CROCC: variants seen among roughly 807,000 people sequenced by gnomAD.
CROCC encodes ciliary rootlet coiled-coil, rootletin.
Under a neutral mutation model 245.2 loss-of-function variants are expected in CROCC, and 180 were observed. That is an observed-to-expected ratio of 0.73 (90% CI 0.65 to 0.83). The LOEUF (loss-of-function observed/expected upper bound fraction) is 0.83. CROCC is among the 40% of genes least tolerant of loss of function. The pLI, the probability that CROCC is intolerant of heterozygous loss-of-function variation, is 0.00. For missense variants in CROCC, 2,688 were observed against 2,779.4 expected (o/e 0.97, Z 0.74); for synonymous variants, 1,205 against 1,241.6 (o/e 0.97, Z 0.62).
intron 34 of CROCC, 74 bp downstream of exon 34, chr1:16,970,527 G>C (rs2076499320): frequency 4.0e-6 from 6 of 1,483,776 alleles, no homozygotes; most frequent in Non-Finnish European, 5.4e-6. Context: ...CACATCCCCA[G>C]GGTCTGCTAC....
chr1:16,923,674 CTTTTT>C (rs61063425), intron 2 of CROCC, among the ~76,000 whole-genome samples: 5 of 103,498 alleles, frequency 4.8e-5, no homozygotes, highest in African/African-American at 1.1e-4. Flanking sequence ...ACTATTCTAC[CTTTTT>C]TTTTTTTTTT....
At chr1:16,914,606 G>A (rs1488497567) in intron 1 of CROCC, among the ~76,000 whole-genome samples, 1 of 152,290 alleles carries the variant, frequency 6.6e-6, no homozygotes, top group Non-Finnish European at 1.5e-5. Flanking sequence ...GGAAACTGAG[G>A]CCCAGAGCGC....
intron 27 of CROCC, among the ~76,000 whole-genome samples, chr1:16,963,409 T>G (rs575927299): frequency 6.6e-6 from 1 of 151,704 alleles, no homozygotes; most frequent in African/African-American, 2.4e-5. Context: ...GGGGTGAGAT[T>G]TGGGGACGAA....
intron 8 of CROCC, 113 bp from the exon 9 acceptor site, chr1:16,936,524 C>CAGA (rs1301853098): frequency 1.8e-6 from 2 of 1,136,800 alleles, no homozygotes; most frequent in African/African-American, 3.1e-5. Flanking sequence ...CCGCCTTGGC[C>CAGA]TCCTGAAGTG....
In CROCC at chr1:16,935,920, A is replaced by C. The variant is rs1570619396; in HGVS notation, c.957-717A>C. 2.0e-5 allele frequency among the ~76,000 whole-genome samples: 3 copies of C among 152,366 alleles called. No individual in the cohort carries two copies. In the South Asian group the frequency reaches 6.2e-4, roughly 32 times the overall value. ...TCGTTGGATACGTTCTTAGAGGAGG[A>C]GCCGGTGGGGAAGGTCCTATGCATG... On this transcript the variant is annotated intron_variant, in intron 8 of 36. Transcript: ENST00000375541.
intron 12 of CROCC, 32 bp downstream of exon 12, chr1:16,939,174 C>G: frequency 7.4e-7 from 1 of 1,344,052 alleles, no homozygotes; most frequent in South Asian, 1.6e-5. Flanking sequence ...CTGGGCGCAG[C>G]CAGAGGCCTG....
In CROCC at chr1:16,944,131, G is replaced by C. The variant is rs567722102; in HGVS notation, c.1840G>C (p.Val614Leu). 6.4e-7 allele frequency: 1 copy of C among 1,559,840 alleles called. No homozygotes were observed. Among genetic ancestry groups the C allele is most frequent in the Admixed American group, 1.9e-5 (1 of 51,748 alleles). ...GAGCAACCTGGCCCACAGCCTGCAG[G>C]TGGCCCAGCAGCAGGCCGAGGAGCT... is the stretch of plus-strand genomic sequence containing the variant. ...EKSNLAHSLQ[V>L]AQQQAEELRQ... Residue 614 changes from valine (V) to leucine (L), a missense_variant, in exon 14 of 37, where the codon GTG becomes CTG. By Grantham distance (32) the Val-to-Leu change is conservative. This residue lies in a region of CROCC where 972 missense variants were observed against 895.3 expected (regional missense o/e 1.09). Transcript: ENST00000375541.
At chr1:16,935,565 C>T (rs563420906) in intron 8 of CROCC, among the ~76,000 whole-genome samples, 26 of 152,368 alleles carry the variant, frequency 1.7e-4, no homozygotes, top group African/African-American at 6.3e-4. Flanking sequence ...GGACTACAGG[C>T]GCCTGCCACC....
At chr1:16,945,232 C>CA (rs1358134399) in intron 14 of CROCC, among the ~76,000 whole-genome samples, 1 of 152,240 alleles carries the variant, frequency 6.6e-6, no homozygotes, top group Admixed American at 6.5e-5. Flanking sequence ...GACTGTGTCT[C>CA]AAAAAAACAA....
chr1:16,936,805 G>C lies in CROCC; in HGVS notation c.1125G>C (p.Val375=). 6.2e-7 allele frequency: 1 copy of C among 1,612,144 alleles called. No homozygotes were observed. Among genetic ancestry groups the C allele is most frequent in the Non-Finnish European group, 8.5e-7 (1 of 1,179,826 alleles). Residue 375 remains valine (V), a synonymous_variant, in exon 9 of 37, where the codon GTG becomes GTC. Transcript: ENST00000375541. ...AQLEEQLRDK[V]LREKDLAQQQ... is the part of the protein sequence containing the mutation. ...TGGAGGAGCAGCTGCGGGACAAGGT[G>C]CTCCGCGAGAAGGACCTGGCGCAGC...
chr1:16,918,228 T>G (rs1570567332), upstream of CROCC, among the ~76,000 whole-genome samples: 1 of 148,722 alleles, frequency 6.7e-6, no homozygotes, highest in African/African-American at 2.5e-5. Flanking sequence ...GAGGGGCTGG[T>G]GAGCCAAGAT....
chr1:16,948,271 T>G (rs1315736717), intron 17 of CROCC, 60 bp from the exon 18 acceptor site: 7 of 1,481,046 alleles, frequency 4.7e-6, no homozygotes, highest in Non-Finnish European at 6.3e-6. Context: ...GTTGGGGTGC[T>G]GCACGATGAA....
At chr1:16,927,573 G>A (rs1474437860) in intron 3 of CROCC, among the ~76,000 whole-genome samples, 1 of 152,246 alleles carries the variant, frequency 6.6e-6, no homozygotes, top group African/African-American at 2.4e-5. Context: ...GCCGTTCACG[G>A]GAAGGCTCAG....
intron 25 of CROCC, 98 bp downstream of exon 25, chr1:16,956,254 C>G: frequency 1.5e-6 from 2 of 1,293,278 alleles, no homozygotes; most frequent in Non-Finnish European, 2.1e-6. Context: ...CTATGTAAAA[C>G]CAGGGGCTTG....
At position 16,956,015 on chromosome 1, in the gene CROCC, G is replaced by T. The variant is rs1356457428; in HGVS notation, c.3723G>T (p.Glu1241Asp). ...TCTCCAGCCTGAAGCTTGCCAATGA[G>T]GACAAGGAGCAGAAGCTGGCACTCC... Reference protein sequence around the residue: ...SERISLKLANEDKEQKLALLE... With the variant: ...SERISLKLANDDKEQKLALLE... The change falls in exon 25 of 37, where the codon GAG (glutamate) becomes GAT (aspartate). Residue 1241 changes from glutamate (E) to aspartate (D), a missense_variant. Around this residue, in one of 9 missense-constraint regions of CROCC, gnomAD observed 1,218 missense variants for 1,286.3 expected, o/e 0.95. Coordinates refer to ENST00000375541, the MANE Select transcript of CROCC (RefSeq NM_014675.5). The T allele has an allele frequency of 1.3e-6, 2 of 1,550,710 alleles. No individual in the cohort carries two copies. Among genetic ancestry groups the T allele is most frequent in the African/African-American group, 2.7e-5 (2 of 73,058 alleles).
At chr1:16,961,472 A>T (rs1207361140) in intron 27 of CROCC, among the ~76,000 whole-genome samples, 1 of 151,746 alleles carries the variant, frequency 6.6e-6, no homozygotes, top group Admixed American at 6.6e-5. Flanking sequence ...GGGTCTCACT[A>T]TGTTGCCCAG....
chr1:16,960,923 G>A lies in CROCC; in HGVS notation c.4198G>A (p.Glu1400Lys). 1.4e-6 allele frequency: 2 copies of A among 1,475,058 alleles called. No individual in the cohort carries two copies. The highest frequency in any genetic ancestry group is 2.6e-5 in the South Asian group (2 of 76,724). The allele number at this position is 1,475,058 out of a possible 1,614,324, so 91.4% of individuals were successfully genotyped here. ...GGAGGCGGCGCGGGCCGAGGCTGCA[G>A]AGCTGGGCCTGCGGCTGAGCGCAGC... is the stretch of plus-strand genomic sequence containing the variant. Reference protein sequence around the residue: ...KLEAARAEAAELGLRLSAAEG... With the variant: ...KLEAARAEAAKLGLRLSAAEG... Residue 1400 changes from glutamate to lysine, a missense_variant, in exon 27 of 37, where the codon GAG becomes AAG. Coordinates refer to ENST00000375541, the MANE Select transcript of CROCC (RefSeq NM_014675.5).
At chr1:16,927,426 C>G (rs2075559825) in intron 3 of CROCC, among the ~76,000 whole-genome samples, 1 of 152,248 alleles carries the variant, frequency 6.6e-6, no homozygotes, top group Admixed American at 6.5e-5. Flanking sequence ...TACCAGGGAG[C>G]CCAGGCACAC....
Position 16,968,432 on chromosome 1 carries a change from C to T in CROCC, c.5076+14C>T. On this transcript the variant is annotated intron_variant, in intron 31 of 36. Transcript: ENST00000375541. ...CTGCAGAGACAGGTGGGCCCCTCCC[C>T]AAATCACAGCCACAGTGTTCACATG... is the stretch of plus-strand genomic sequence containing the variant. 1 of 1,466,070 alleles carries T rather than the reference C, an allele frequency of 6.8e-7. No individual in the cohort carries two copies. 90.8% of individuals were successfully genotyped at this position (1,466,070 alleles called of 1,614,324 possible).
Sources: allele counts gnomAD v4.1 joint callset (sites outside exome capture counted in the v4.1 genomes callset), GRCh38; gene constraint gnomAD v4.1.1; regional missense constraint gnomAD v4.1.1; transcripts MANE v1.5; gene names NCBI Gene and HGNC (gene_info 2026-07-23, HGNC 2026-07-21).